MERTK: variants seen among roughly 807,000 people sequenced by gnomAD.
The protein encoded by MERTK is MER proto-oncogene, tyrosine kinase, also known as tyrosine-protein kinase Mer.
Under a neutral mutation model 99.3 loss-of-function variants are expected in MERTK, and 69 were observed. The observed-to-expected ratio is 0.70, with a 90% CI of 0.57 to 0.85. The LOEUF is 0.85. Among genes scored for constraint, MERTK ranks in the 40% least tolerant of loss-of-function variants. The pLI, the probability that MERTK is intolerant of heterozygous loss-of-function variation, is 0.00. For synonymous variants in MERTK, 426 were observed against 467.6 expected (o/e 0.91, Z 1.15); for missense variants, 1,125 against 1,249.4 (o/e 0.90, Z 1.50).
At chr2:111,955,516 C>G (rs1685131627) in intron 4 of MERTK, among the ~76,000 whole-genome samples, 1 of 152,116 alleles carries the variant, frequency 6.6e-6, no homozygotes, top group Non-Finnish European at 1.5e-5. Flanking sequence ...AAATCTGTAC[C>G]TGTCATAAAA....
intron 9 of MERTK, 154 bp from the exon 10 acceptor site, chr2:111,997,169 G>A (rs769588563): frequency 1.1e-6 from 1 of 882,870 alleles, no homozygotes; most frequent in Non-Finnish European, 1.9e-6. Context: ...TCTTCGCATG[G>A]TCTCAGCTTA....
intron 15 of MERTK, among the ~76,000 whole-genome samples, chr2:112,010,758 G>C (rs907216637): frequency 6.6e-6 from 1 of 152,180 alleles, no homozygotes; most frequent in African/African-American, 2.4e-5. Context: ...AACAAAAACA[G>C]TATCCTCCTG....
chr2:111,928,160 T>C (rs1025109062), intron 1 of MERTK, among the ~76,000 whole-genome samples: 1 of 151,916 alleles, frequency 6.6e-6, no homozygotes, highest in Non-Finnish European at 1.5e-5. Context: ...TAAGAACACT[T>C]TTTTTGTTGT....
intron 5 of MERTK, among the ~76,000 whole-genome samples, chr2:111,965,796 T>C (rs1022937184): frequency 1.3e-5 from 2 of 152,100 alleles, no homozygotes; most frequent in African/African-American, 4.8e-5. Flanking sequence ...AAGAAGCAGA[T>C]CACTCTTTGG....
At position 111,898,808 on chromosome 2, in the gene MERTK, C is replaced by G; in HGVS notation, c.61+12C>G. Reference sequence around the variant, plus strand: ...GCTCTGGCGTAGAGGTGAGTGCGCCCGGCTGGGGGCCAGGCGAGGGGGTGG... The same window carrying G: ...GCTCTGGCGTAGAGGTGAGTGCGCCGGGCTGGGGGCCAGGCGAGGGGGTGG... On this transcript the variant is annotated intron_variant, in intron 1 of 18. Transcript: ENST00000295408. 1 of 1,583,110 alleles carries G rather than the reference C, an allele frequency of 6.3e-7. No homozygotes were observed. Among genetic ancestry groups the G allele is most frequent in the Non-Finnish European group, 8.6e-7 (1 of 1,165,444 alleles).
chr2:112,021,029 A>C (rs1677331894), intron 16 of MERTK, among the ~76,000 whole-genome samples: 1 of 149,374 alleles, frequency 6.7e-6, no homozygotes. Flanking sequence ...CTCCATGTCT[A>C]CTAAAAAAAA....
intron 1 of MERTK, among the ~76,000 whole-genome samples, chr2:111,912,739 C>T (rs1345315828): frequency 2.0e-5 from 3 of 152,156 alleles, no homozygotes; most frequent in Admixed American, 1.3e-4. Context: ...CTGGCTCTTT[C>T]GCCACTCATG....
chr2:111,958,729 T>C (rs1017448176), intron 4 of MERTK, among the ~76,000 whole-genome samples: 1 of 152,154 alleles, frequency 6.6e-6, no homozygotes, highest in African/African-American at 2.4e-5. Flanking sequence ...CCTGAAGTCA[T>C]GTTCTGTGAT....
At chr2:111,925,686 T>TGGG (rs1684552143) in intron 1 of MERTK, among the ~76,000 whole-genome samples, 2 of 152,022 alleles carry the variant, frequency 1.3e-5, no homozygotes, top group Non-Finnish European at 2.9e-5. Flanking sequence ...GTCACTTTAG[T>TGGG]GGGTGGCCTT....
At chr2:112,008,733 A>G (rs1677038118) in intron 14 of MERTK, 1 of 552,498 alleles carries the variant, frequency 1.8e-6, no homozygotes, top group Non-Finnish European at 3.3e-6. Context: ...GAGAGTGTGA[A>G]TTAAATTGTC....
chr2:111,960,923 T>C (rs138606236), intron 4 of MERTK, among the ~76,000 whole-genome samples: 1 of 151,180 alleles, frequency 6.6e-6, no homozygotes, highest in Non-Finnish European at 1.5e-5. Context: ...TCTCTAGGAG[T>C]AATACAAGCA....
At chr2:111,920,201 C>T (rs561962377) in intron 1 of MERTK, among the ~76,000 whole-genome samples, 24 of 152,304 alleles carry the variant, frequency 1.6e-4, no homozygotes, top group African/African-American at 5.5e-4. Flanking sequence ...ATGCCAACAC[C>T]GTGTTTTACA....
chr2:111,935,274 A>G (rs998750225), intron 2 of MERTK, among the ~76,000 whole-genome samples: 1 of 152,216 alleles, frequency 6.6e-6, no homozygotes, highest in Non-Finnish European at 1.5e-5. Flanking sequence ...CAAGTTGGGC[A>G]GACCTGGTCC....
intron 15 of MERTK, among the ~76,000 whole-genome samples, chr2:112,011,692 A>C (rs1304420386): frequency 1.3e-5 from 2 of 152,214 alleles, no homozygotes; most frequent in Admixed American, 1.3e-4. Context: ...CTGAGGTTGC[A>C]GTGAGCCAAG....
At chr2:112,011,258 G>T (rs991858760) in intron 15 of MERTK, among the ~76,000 whole-genome samples, 1 of 152,096 alleles carries the variant, frequency 6.6e-6, no homozygotes, top group Non-Finnish European at 1.5e-5. Flanking sequence ...TAGTTCTTAG[G>T]GACCATGAAA....
Position 112,001,254 on chromosome 2 carries a change from A to T in MERTK, c.1658A>T (p.Lys553Ile). ...SELVVNYIAK[K>I]SFCRRAIELT... ...TTAGTGGTGAATTATATAGCAAAGA[A>T]ATCCTTCTGTCGGCGAGCCATTGAA... is the stretch of plus-strand genomic sequence containing the variant. The change falls in exon 11 of 19, where the codon AAA (lysine) becomes ATA (isoleucine). Residue 553 changes from lysine to isoleucine, a missense_variant. Transcript: ENST00000295408. The T allele has an allele frequency of 6.2e-7, 1 of 1,613,992 alleles. No individual in the cohort carries two copies. The highest frequency in any genetic ancestry group is 8.5e-7 in the Non-Finnish European group (1 of 1,179,828).
intron 5 of MERTK, among the ~76,000 whole-genome samples, 186 bp downstream of exon 5, chr2:111,965,463 C>T (rs1030027874): frequency 1.3e-5 from 2 of 152,200 alleles, no homozygotes; most frequent in African/African-American, 4.8e-5. Context: ...GAGATAATTA[C>T]AGAACCTACC....
At chr2:112,020,220 C>T (rs1677310648) in intron 16 of MERTK, among the ~76,000 whole-genome samples, 1 of 152,172 alleles carries the variant, frequency 6.6e-6, no homozygotes. Context: ...ACCTCTTTCA[C>T]CTCATTTTTG....
At chr2:111,956,422 T>C (rs1685149819) in intron 4 of MERTK, among the ~76,000 whole-genome samples, 1 of 152,234 alleles carries the variant, frequency 6.6e-6, no homozygotes, top group Non-Finnish European at 1.5e-5. Flanking sequence ...GTGGTGGGCT[T>C]GCGTTGATCT....
Sources: allele counts gnomAD v4.1 joint callset (sites outside exome capture counted in the v4.1 genomes callset), GRCh38; gene constraint gnomAD v4.1.1; transcripts MANE v1.5; gene names NCBI Gene and HGNC (gene_info 2026-07-23, HGNC 2026-07-21).